The following CBFA2T3 variants were observed in gnomAD, a reference collection of about 807,000 sequenced individuals.
CBFA2T3 encodes CBFA2/RUNX1 partner transcriptional co-repressor 3, also known as transcriptional corepressor CBFA2T3.
In CBFA2T3, 31 loss-of-function variants were observed where a neutral mutation model predicts 58.6. The ratio of observed to expected loss-of-function variants is 0.53; its 90% CI spans 0.40 to 0.71. The LOEUF (loss-of-function observed/expected upper bound fraction) is 0.71, where lower values mean the gene tolerates loss of function less well. Among genes scored for constraint, CBFA2T3 ranks in the 30% least tolerant of loss-of-function variants. The probability of loss-of-function intolerance (pLI) is 0.00; values close to 1 mark genes in which losing one functional copy is unlikely to be tolerated. For missense variants in CBFA2T3, 1,076 were observed against 963.1 expected, an observed-to-expected ratio of 1.12 and a Z score of -1.55; for synonymous variants, 531 against 421.9, an observed-to-expected ratio of 1.26 and a Z score of -3.17.
rs142959815 is a variant in CBFA2T3, at chr16:88,949,289, C to T, written c.151+27368G>A. The stretch of plus-strand genomic sequence containing the variant: ...AGATGGGTTGGGAGGCCGGGCGCGG[C>T]GCCTCACACCTGTAATCCCAGCACT... On this transcript the variant is annotated intron_variant, in intron 1 of 11. Transcript: ENST00000268679. Among the ~76,000 whole-genome samples the T allele has an allele frequency of 2.9e-3, 443 of 152,242 alleles. 5 individuals carry two copies. The highest frequency in any genetic ancestry group is 0.022 in the East Asian group (112 of 5,174).
At position 88,875,053 on chromosome 16, in the gene CBFA2T3, G is replaced by A. The variant is rs1363609230; in HGVS notation, c.*1923C>T. 5 of 235,218 alleles carry A rather than the reference G, an allele frequency of 2.1e-5. No homozygotes were observed. Among genetic ancestry groups the A allele is most frequent in the South Asian group, 3.2e-4 (2 of 6,336 alleles). The allele number at this position is 235,218 out of a possible 1,614,324, so 14.6% of individuals were successfully genotyped here. On this transcript the variant is annotated 3_prime_UTR_variant, in exon 12 of 12. Transcript: ENST00000268679. ...AGTTCCTAGAACTCCTGATAGCCACGCACACAGATGCCAGGCCACGGGCCA... is the reference window on the plus strand; with the variant it reads ...AGTTCCTAGAACTCCTGATAGCCACACACACAGATGCCAGGCCACGGGCCA...
chr16:88,928,725 G>C (rs1275038789), intron 1 of CBFA2T3, among the ~76,000 whole-genome samples: 5 of 152,210 alleles, frequency 3.3e-5, no homozygotes, highest in Admixed American at 2.6e-4. Context: ...GACCTCGGAC[G>C]GGAGCCCAGG....
At chr16:88,976,398 G>A (rs570480531) in intron 1 of CBFA2T3, among the ~76,000 whole-genome samples, 6 of 150,474 alleles carry the variant, frequency 4.0e-5, no homozygotes, top group East Asian at 2.0e-4. Flanking sequence ...TGAGCAGCCC[G>A]GCCTCCAGCA....
rs1597806533 is a variant in CBFA2T3, at chr16:88,975,164, ACCC to A, written c.151+1490_151+1492del. ...GCAGCCATGTCAGAGGTCCACCCTG[ACCC>A]TCTCTGCTCCACATCTTTAGCCATG... On this transcript the variant is annotated intron_variant, in intron 1 of 11. Coordinates refer to ENST00000268679, the MANE Select transcript of CBFA2T3 (RefSeq NM_005187.6). Among the ~76,000 whole-genome samples, 817 of 108,050 alleles carry A rather than the reference ACCC, an allele frequency of 7.6e-3. 13 individuals are homozygous for A. Among genetic ancestry groups the A allele is most frequent in the Middle Eastern group, 0.017 (3 of 172 alleles). 70.9% of individuals were successfully genotyped at this position (108,050 alleles called of 152,430 possible). A position where few individuals can be genotyped will look rare whatever the true frequency, so the allele number is the denominator to read the frequency against.
Position 88,953,195 on chromosome 16 carries a change from C to T in CBFA2T3, c.151+23462G>A, listed in dbSNP as rs567402689. ...GGGCTGGGCCATCGCCTCTCTCCCTCGGCTGGGTTTGTCATGCTCAGCCAG... is the reference window on the plus strand; with the variant it reads ...GGGCTGGGCCATCGCCTCTCTCCCTTGGCTGGGTTTGTCATGCTCAGCCAG... On this transcript the variant is annotated intron_variant, in intron 1 of 11. Coordinates refer to ENST00000268679, the MANE Select transcript of CBFA2T3 (RefSeq NM_005187.6). This position sits in a 1 kb window ranked among gnomAD's most constrained non-coding sequence, Gnocchi z 4.9. 5.9e-5 allele frequency among the ~76,000 whole-genome samples: 9 copies of T among 152,242 alleles called. No individual in the cohort carries two copies. The highest frequency in any genetic ancestry group is 1.7e-4 in the African/African-American group (7 of 41,472).
At chr16:88,968,902 G>A (rs1972580191) in intron 1 of CBFA2T3, among the ~76,000 whole-genome samples, 1 of 150,150 alleles carries the variant, frequency 6.7e-6, no homozygotes, top group Admixed American at 6.6e-5. Flanking sequence ...TGACCCCCAT[G>A]GACCATAACC....
chr16:88,932,087 G>A (rs1005014720), intron 1 of CBFA2T3, among the ~76,000 whole-genome samples: 5 of 152,014 alleles, frequency 3.3e-5, no homozygotes, highest in Non-Finnish European at 5.9e-5. Context: ...CTGCACGTGC[G>A]CCCCTGGCAA....
At chr16:88,932,740 G>A (rs1971354341) in intron 1 of CBFA2T3, among the ~76,000 whole-genome samples, 1 of 135,950 alleles carries the variant, frequency 7.4e-6, no homozygotes, top group South Asian at 2.4e-4. Context: ...CTGAGGTCAG[G>A]AGTTCGAGAC....
chr16:88,881,159 A>C (rs765651074), intron 9 of CBFA2T3, 132 bp downstream of exon 9: 2 of 858,156 alleles, frequency 2.3e-6, no homozygotes, highest in South Asian at 2.8e-5. Context: ...CTACAAAGTG[A>C]AAAAGGTGCC....
chr16:88,935,688 CT>C (rs1971474723), intron 1 of CBFA2T3, among the ~76,000 whole-genome samples: 1 of 152,176 alleles, frequency 6.6e-6, no homozygotes, highest in Admixed American at 6.5e-5. Context: ...CAATGAACTT[CT>C]GTTCGGGGGC....
Position 88,880,856 on chromosome 16 carries a change from C to T in CBFA2T3, c.1403-68G>A, listed in dbSNP as rs759378537. On this transcript the variant is annotated intron_variant, in intron 9 of 11. Transcript: ENST00000268679. ...GCCCCTCCCACGCTGGGGCCCTCCC[C>T]ACCCTGGCTGGGCCCTGAGTGCAGG... 6 of 1,410,110 alleles carry T rather than the reference C, an allele frequency of 4.3e-6. No homozygotes were observed. In the South Asian group the frequency reaches 6.2e-5, roughly 14 times the overall value. The allele number at this position is 1,410,110 out of a possible 1,614,324, so 87.3% of individuals were successfully genotyped here. A position where few individuals can be genotyped will look rare whatever the true frequency, so the allele number is the denominator to read the frequency against.
intron 1 of CBFA2T3, chr16:88,950,117 T>G: frequency 2.2e-6 from 1 of 453,536 alleles, no homozygotes; most frequent in Non-Finnish European, 4.4e-6. Flanking sequence ...CCCGTCTCTC[T>G]TCACCTCTCT....
At chr16:88,975,571 C>G (rs563037300) in intron 1 of CBFA2T3, among the ~76,000 whole-genome samples, 3 of 152,380 alleles carry the variant, frequency 2.0e-5, no homozygotes, top group South Asian at 2.1e-4. Context: ...ATGGCAGATG[C>G]CAGGGCCAGT....
At position 88,876,220 on chromosome 16, in the gene CBFA2T3, G is replaced by C. The variant is rs991709793; in HGVS notation, c.*756C>G. On this transcript the variant is annotated 3_prime_UTR_variant, in exon 12 of 12. Coordinates refer to ENST00000268679, the MANE Select transcript of CBFA2T3 (RefSeq NM_005187.6). The stretch of plus-strand genomic sequence containing the variant: ...GGCTAGCTAGCAAGGTAGTTCACAA[G>C]TATGCTTCCTTTGCTTTTTTAAAAA... The C allele has an allele frequency of 1.3e-5, 3 of 230,908 alleles. No individual in the cohort carries two copies. The highest frequency in any genetic ancestry group is 6.6e-5 in the African/African-American group (3 of 45,160). The allele number at this position is 230,908 out of a possible 1,614,324, so 14.3% of individuals were successfully genotyped here.
At chr16:88,940,549 A>AC (rs935371884) in intron 1 of CBFA2T3, among the ~76,000 whole-genome samples, 5 of 152,154 alleles carry the variant, frequency 3.3e-5, no homozygotes, top group African/African-American at 1.2e-4. Flanking sequence ...AGGGTCCAGG[A>AC]CCCCCAGCGC....
chr16:88,949,668 C>T (rs1216118368), intron 1 of CBFA2T3, among the ~76,000 whole-genome samples: 3 of 151,980 alleles, frequency 2.0e-5, no homozygotes, highest in Non-Finnish European at 2.9e-5. Flanking sequence ...AATACAAGCA[C>T]TCAAAATAAC....
At chr16:88,937,910 A>T (rs1212149248) in intron 1 of CBFA2T3, 1 of 152,214 alleles carries the variant, frequency 6.6e-6, no homozygotes, top group Non-Finnish European at 1.5e-5. Context: ...CTGGGAGGTG[A>T]CATCGGTTGC....
chr16:88,970,213 G>T (rs1305570382), intron 1 of CBFA2T3, among the ~76,000 whole-genome samples: 2 of 152,114 alleles, frequency 1.3e-5, no homozygotes, highest in Non-Finnish European at 2.9e-5. Flanking sequence ...CAAGCCGGCA[G>T]CCTTGCTGTG....
chr16:88,939,056 T>A (rs929929946), intron 1 of CBFA2T3: 2 of 152,072 alleles, frequency 1.3e-5, no homozygotes, highest in Admixed American at 6.5e-5. Flanking sequence ...GCTGGCAGCA[T>A]CTCCAGATCC....
Sources: allele counts gnomAD v4.1 joint callset (sites outside exome capture counted in the v4.1 genomes callset), GRCh38; gene constraint gnomAD v4.1.1; non-coding constraint Gnocchi (gnomAD v3.1); transcripts MANE v1.5; gene names NCBI Gene and HGNC (gene_info 2026-07-23, HGNC 2026-07-21).